Variants in CDKL3 observed in about 807,000 individuals in gnomAD.
The protein encoded by CDKL3 is cyclin dependent kinase like 3, also known as cyclin-dependent kinase-like 3.
In CDKL3, 65 loss-of-function variants were observed where a neutral mutation model predicts 69.3. The observed-to-expected ratio is 0.94, with a 90% confidence interval of 0.77 to 1.15. The LOEUF is 1.15. CDKL3 is among the 50% of genes most tolerant of loss of function. The pLI is 0.00. For synonymous variants in CDKL3, 202 were observed against 221.6 expected (o/e 0.91, Z 0.79); for missense variants, 652 against 689.2 (o/e 0.95, Z 0.61).
intron 7 of CDKL3, among the ~76,000 whole-genome samples, chr5:134,309,307 C>A (rs1393356463): frequency 6.6e-6 from 1 of 152,138 alleles, no homozygotes; most frequent in Admixed American, 6.6e-5. Context: ...GTCTCCAACT[C>A]CCAATCTCAG....
chr5:134,296,505 T>C (rs1219192173), downstream of CDKL3, among the ~76,000 whole-genome samples: 1 of 152,150 alleles, frequency 6.6e-6, no homozygotes, highest in East Asian at 1.9e-4. Context: ...ATACATCCCA[T>C]GTTCACTTTG....
intron 7 of CDKL3, among the ~76,000 whole-genome samples, chr5:134,311,600 G>A (rs537080570): frequency 3.9e-5 from 6 of 152,186 alleles, no homozygotes; most frequent in African/African-American, 1.4e-4. Flanking sequence ...AATGTCATCA[G>A]AAGAGGAAAA....
At chr5:134,316,972 G>C (rs1429516203) in intron 6 of CDKL3, among the ~76,000 whole-genome samples, 1 of 151,896 alleles carries the variant, frequency 6.6e-6, no homozygotes, top group Non-Finnish European at 1.5e-5. Context: ...TTTGTTTACT[G>C]TGTATTTTAT....
At chr5:134,355,377 T>G (rs1754349024) in intron 3 of CDKL3, among the ~76,000 whole-genome samples, 1 of 151,982 alleles carries the variant, frequency 6.6e-6, no homozygotes, top group South Asian at 2.1e-4. Flanking sequence ...CATAGCATTA[T>G]AACTTGAATG....
chr5:134,330,696 C>G (rs181459804), intron 4 of CDKL3, among the ~76,000 whole-genome samples: 1 of 151,900 alleles, frequency 6.6e-6, no homozygotes, highest in Non-Finnish European at 1.5e-5. Flanking sequence ...GTCTGGGTGA[C>G]AGAGCCAGAC....
upstream of CDKL3, among the ~76,000 whole-genome samples, chr5:134,370,234 CAG>C (rs1256953065): frequency 1.3e-5 from 2 of 152,194 alleles, no homozygotes; most frequent in African/African-American, 4.8e-5. Flanking sequence ...CAAAAGTACT[CAG>C]AGTCCTTAGT....
At chr5:134,314,117 C>T (rs1770356910) in intron 6 of CDKL3, among the ~76,000 whole-genome samples, 1 of 152,086 alleles carries the variant, frequency 6.6e-6, no homozygotes, top group Non-Finnish European at 1.5e-5. Flanking sequence ...TGCACTCCAG[C>T]CTGGGCAAGA....
At chr5:134,339,812 C>T (rs190909433) in intron 4 of CDKL3, among the ~76,000 whole-genome samples, 13 of 152,060 alleles carry the variant, frequency 8.5e-5, no homozygotes, top group South Asian at 2.1e-4. Context: ...CTACATTTGA[C>T]GAAATAACCA....
chr5:134,325,236 T>C (rs1353377728), intron 4 of CDKL3, among the ~76,000 whole-genome samples: 1 of 152,236 alleles, frequency 6.6e-6, no homozygotes, highest in East Asian at 1.9e-4. Context: ...GTATATAGTA[T>C]GTTCCTATTT....
intron 8 of CDKL3, among the ~76,000 whole-genome samples, chr5:134,293,271 C>T (rs549462841): frequency 2.6e-4 from 40 of 151,942 alleles, no homozygotes; most frequent in South Asian, 2.3e-3. Flanking sequence ...CTGCCCGCCT[C>T]GGCCTCCCAA....
rs375281168 is a variant in CDKL3 at position 134,302,647 on chromosome 5, T to C, written c.1662A>G (p.Thr554=). ...IKMLKRESKK[T]ESSKIPTLLN... ...GTAAAGTTGGTATCTTAGATGACTCTGTTTTCTTTGACTCCCTCTTCAGCA... is the reference window on the plus strand; with the variant it reads ...GTAAAGTTGGTATCTTAGATGACTCCGTTTTCTTTGACTCCCTCTTCAGCA... The change falls in exon 12 of 13, where the codon ACA becomes ACG. Residue 554 remains threonine (T), a synonymous_variant. Transcript: ENST00000265334. 2 of 1,602,738 alleles carry C rather than the reference T, an allele frequency of 1.2e-6. No individual in the cohort carries two copies. The highest frequency in any genetic ancestry group is 1.7e-6 in the Non-Finnish European group (2 of 1,174,324).
chr5:134,318,581 G>A (rs1385638098), intron 6 of CDKL3, among the ~76,000 whole-genome samples: 1 of 152,032 alleles, frequency 6.6e-6, no homozygotes, highest in Non-Finnish European at 1.5e-5. Context: ...AGCCTCCCAG[G>A]TTCAAGTAAT....
chr5:134,302,401 C>CA (rs1181371224), intron 12 of CDKL3, among the ~76,000 whole-genome samples, 189 bp downstream of exon 12: 1 of 152,022 alleles, frequency 6.6e-6, no homozygotes, highest in Non-Finnish European at 1.5e-5. Flanking sequence ...CATTACCCAC[C>CA]AAAAAATAAC....
chr5:134,322,715 C>A (rs946423716), intron 4 of CDKL3, among the ~76,000 whole-genome samples: 4 of 152,202 alleles, frequency 2.6e-5, no homozygotes, highest in Non-Finnish European at 4.4e-5. Context: ...GACACTGTGG[C>A]TCATGCCTGT....
downstream of CDKL3, among the ~76,000 whole-genome samples, chr5:134,295,989 C>T (rs576337410): frequency 3.9e-4 from 60 of 152,192 alleles, no homozygotes; most frequent in East Asian, 9.7e-4. Context: ...CTCCACTTTC[C>T]GGGTTCACGC....
chr5:134,363,976 AAAGAG>A (rs199812118), intron 2 of CDKL3, among the ~76,000 whole-genome samples: 63 of 120,620 alleles, frequency 5.2e-4, no homozygotes, highest in Middle Eastern at 8.8e-3. Context: ...AAAAAAAAAA[AAAGAG>A]AGAGAAAGAA....
At chr5:134,334,238 A>T (rs1017441851) in intron 4 of CDKL3, among the ~76,000 whole-genome samples, 1 of 151,872 alleles carries the variant, frequency 6.6e-6, no homozygotes, top group African/African-American at 2.4e-5. Flanking sequence ...TATTTTGTTG[A>T]TCTTTTCAAA....
At chr5:134,329,442 A>ATTAAT (rs887165886) in intron 4 of CDKL3, among the ~76,000 whole-genome samples, 150 of 151,812 alleles carry the variant, frequency 9.9e-4, no homozygotes, top group African/African-American at 1.5e-3. Flanking sequence ...TCTTCTGTTA[A>ATTAAT]TTAATTTAAT....
intron 3 of CDKL3, among the ~76,000 whole-genome samples, chr5:134,354,621 T>C (rs1165019916): frequency 6.6e-6 from 1 of 152,132 alleles, no homozygotes; most frequent in African/African-American, 2.4e-5. Context: ...GGATATAATG[T>C]GAACAAAAAC....
Sources: gnomAD v4.1 joint callset for allele counts (sites outside exome capture counted in the v4.1 genomes callset) on GRCh38, gnomAD v4.1.1 for gene constraint, MANE v1.5 for transcripts, NCBI Gene and HGNC (gene_info 2026-07-23, HGNC 2026-07-21) for gene names.